WWOX: variants seen among roughly 807,000 people sequenced by gnomAD.
The protein encoded by WWOX is WW domain-containing oxidoreductase.
Under a neutral mutation model 46.2 loss-of-function variants are expected in WWOX, and 69 were observed. The ratio of observed to expected loss-of-function variants is 1.49; its 90% CI spans 1.23 to 1.82. The LOEUF (loss-of-function observed/expected upper bound fraction) is 1.82, where lower values mean the gene tolerates loss of function less well. Among genes scored for constraint, WWOX ranks in the 40% most tolerant of loss-of-function variants. The pLI, the probability that WWOX is intolerant of heterozygous loss-of-function variation, is 0.00. For missense variants in WWOX, 919 were observed against 542.6 expected, an observed-to-expected ratio of 1.69 and a Z score of -6.89; for synonymous variants, 359 against 202.6, an observed-to-expected ratio of 1.77 and a Z score of -6.56.
In WWOX at chr16:78,247,823, G is replaced by A. The variant is rs539544813; in HGVS notation, c.516+83534G>A. ...CCTCACCCAAGCAGGCATTGATGGA[G>A]GTCTCATACTTTACTGAAGATGTGA... On this transcript the variant is annotated intron_variant, in intron 5 of 8. Coordinates refer to ENST00000566780, the MANE Select transcript of WWOX (RefSeq NM_016373.4). Among the ~76,000 whole-genome samples the A allele has an allele frequency of 1.1e-4, 17 of 152,252 alleles. No individual in the cohort carries two copies. In the South Asian group the frequency reaches 3.5e-3, roughly 32 times the overall value.
chr16:78,946,073 C>T (rs563177679), intron 8 of WWOX, among the ~76,000 whole-genome samples: 184 of 152,334 alleles, frequency 1.2e-3, no homozygotes, highest in African/African-American at 4.3e-3. Flanking sequence ...CCACGATCTA[C>T]TGGACTTTCT....
intron 4 of WWOX, among the ~76,000 whole-genome samples, chr16:78,142,072 A>C (rs2034008178): frequency 6.6e-6 from 1 of 151,800 alleles, no homozygotes; most frequent in Non-Finnish European, 1.5e-5. Flanking sequence ...TGATTTTCAC[A>C]ATGAAGGTAA....
chr16:78,952,908 C>G (rs1339734811), intron 8 of WWOX, among the ~76,000 whole-genome samples: 1 of 152,122 alleles, frequency 6.6e-6, no homozygotes, highest in East Asian at 1.9e-4. Flanking sequence ...AAACAGGAAT[C>G]AAAGGGAAAC....
chr16:78,552,490 C>G (rs943390872), intron 8 of WWOX: 6 of 152,282 alleles, frequency 3.9e-5, no homozygotes, highest in African/African-American at 1.4e-4. Flanking sequence ...AAGTTCACTT[C>G]TCTGCTGGTT....
chr16:78,466,616 G>A (rs1345904209), intron 8 of WWOX, among the ~76,000 whole-genome samples: 2 of 152,084 alleles, frequency 1.3e-5, no homozygotes, highest in Non-Finnish European at 2.9e-5. Flanking sequence ...GATCACTTGA[G>A]GTCAGGAGTT....
Position 78,967,345 on chromosome 16 carries a change from A to C in WWOX, c.1057-244263A>C, listed in dbSNP as rs2046381283. Among the ~76,000 whole-genome samples, 2 of 120,730 alleles carry C rather than the reference A, an allele frequency of 1.7e-5. 1 individual carries two copies. Among genetic ancestry groups the C allele is most frequent in the African/African-American group, 6.3e-5 (2 of 31,696 alleles). 79.2% of individuals were successfully genotyped at this position (120,730 alleles called of 152,430 possible). A position where few individuals can be genotyped will look rare whatever the true frequency, so the allele number is the denominator to read the frequency against. ...CACTCTGTCACCCAGGCTGGAGTGC[A>C]GTGGCATGATCATGGCTCACTGCAG... On this transcript the variant is annotated intron_variant, in intron 8 of 8. Coordinates refer to ENST00000566780, the MANE Select transcript of WWOX (RefSeq NM_016373.4).
At chr16:78,334,432 C>G (rs2080831724) in intron 5 of WWOX, among the ~76,000 whole-genome samples, 1 of 152,126 alleles carries the variant, frequency 6.6e-6, no homozygotes, top group African/African-American at 2.4e-5. Flanking sequence ...TTACTCTGAG[C>G]TATGAGTGAA....
chr16:78,628,820 G>A (rs922094157), intron 8 of WWOX, among the ~76,000 whole-genome samples: 2 of 152,138 alleles, frequency 1.3e-5, no homozygotes, highest in African/African-American at 2.4e-5. Flanking sequence ...CTAGCCAGGC[G>A]CTTCCCTTCC....
chr16:78,723,191 G>C (rs1160623739), intron 8 of WWOX, among the ~76,000 whole-genome samples: 1 of 152,132 alleles, frequency 6.6e-6, no homozygotes, highest in Non-Finnish European at 1.5e-5. Flanking sequence ...TGATTGTCAG[G>C]CTTTCTTAGC....
chr16:79,075,904 C>A (rs1464435482), intron 8 of WWOX, among the ~76,000 whole-genome samples: 1 of 152,152 alleles, frequency 6.6e-6, no homozygotes, highest in Non-Finnish European at 1.5e-5. Context: ...TTGCTTTTGA[C>A]TGTAAAGGGC....
intron 8 of WWOX, among the ~76,000 whole-genome samples, chr16:78,771,546 C>T (rs772440041): frequency 2.6e-5 from 4 of 151,920 alleles, no homozygotes; most frequent in African/African-American, 9.7e-5. Context: ...CTGAGATGGG[C>T]GGATCACTTG....
chr16:78,745,172 C>T (rs1166257449), intron 8 of WWOX, among the ~76,000 whole-genome samples: 2 of 152,176 alleles, frequency 1.3e-5, no homozygotes, highest in African/African-American at 2.4e-5. Context: ...AAGCCAGTGT[C>T]CCTTCAGCCA....
At position 79,087,646 on chromosome 16, in the gene WWOX, T is replaced by G. The variant is rs574911880; in HGVS notation, c.1057-123962T>G. On this transcript the variant is annotated intron_variant, in intron 8 of 8. Coordinates refer to ENST00000566780, the MANE Select transcript of WWOX (RefSeq NM_016373.4). ...GAGAAGAATTACCTGCCGATGGCTG[T>G]TGGCCCATGGCAACACCCTAGATCG... 2.6e-5 allele frequency among the ~76,000 whole-genome samples: 4 copies of G among 152,346 alleles called. No homozygotes were observed. The South Asian group carries it at 8.3e-4, about 32-fold the overall frequency.
chr16:78,681,326 G>T (rs553600818), intron 8 of WWOX, among the ~76,000 whole-genome samples: 10 of 152,270 alleles, frequency 6.6e-5, no homozygotes, highest in South Asian at 6.2e-4. Flanking sequence ...GATGGCTTGA[G>T]CCCAGAGGTA....
intron 8 of WWOX, among the ~76,000 whole-genome samples, chr16:78,750,888 C>A (rs1354438351): frequency 6.6e-6 from 1 of 152,050 alleles, no homozygotes; most frequent in African/African-American, 2.4e-5. Flanking sequence ...TTTAACTAAT[C>A]CACCATTGAT....
chr16:78,109,521 G>C (rs961930799), intron 2 of WWOX, among the ~76,000 whole-genome samples: 3 of 152,336 alleles, frequency 2.0e-5, no homozygotes, highest in East Asian at 3.9e-4. Flanking sequence ...GGCACAACCA[G>C]TATGGTTTAT....
intron 5 of WWOX, among the ~76,000 whole-genome samples, chr16:78,203,356 A>C (rs934528893): frequency 2.0e-5 from 3 of 152,170 alleles, no homozygotes; most frequent in Non-Finnish European, 4.4e-5. Flanking sequence ...ATATTAAGCA[A>C]GTTTAATGAT....
intron 8 of WWOX, among the ~76,000 whole-genome samples, chr16:79,151,159 A>G (rs1227546836): frequency 1.3e-5 from 2 of 152,194 alleles, no homozygotes; most frequent in East Asian, 3.8e-4. Context: ...CCTGCTTTCC[A>G]TATGTTATAT....
chr16:78,907,505 G>C (rs898239145), intron 8 of WWOX, among the ~76,000 whole-genome samples: 4 of 152,054 alleles, frequency 2.6e-5, no homozygotes, highest in African/African-American at 9.7e-5. Flanking sequence ...TTGGGGGTAG[G>C]GCCATTATCA....
Sources: gnomAD v4.1 joint callset for allele counts (sites outside exome capture counted in the v4.1 genomes callset) on GRCh38, gnomAD v4.1.1 for gene constraint, MANE v1.5 for transcripts, NCBI Gene and HGNC (gene_info 2026-07-23, HGNC 2026-07-21) for gene names.